CELF4: variants seen among roughly 807,000 people sequenced by gnomAD.
CELF4 encodes the protein CUGBP Elav-like family member 4, also known as CUG-BP- and ETR-3-like factor 4.
A neutral mutation model predicts 59.9 loss-of-function variants in CELF4; 18 were observed. The observed-to-expected ratio is 0.30, with a 90% confidence interval of 0.21 to 0.45. The LOEUF (loss-of-function observed/expected upper bound fraction) is 0.45. CELF4 is among the 20% of genes least tolerant of loss of function. The pLI is 1.00. For synonymous variants in CELF4, 261 were observed against 267.1 expected (o/e 0.98, Z 0.22); for missense variants, 456 against 689.0 (o/e 0.66, Z 3.79).
intron 1 of CELF4, among the ~76,000 whole-genome samples, chr18:37,487,643 G>C (rs1419196149): frequency 6.6e-6 from 1 of 152,144 alleles, no homozygotes; most frequent in African/African-American, 2.4e-5. Flanking sequence ...CCGTCCCCTT[G>C]TTGGCCTTGT....
chr18:37,287,826 TTAGATGA>T (rs1323032736), intron 3 of CELF4, among the ~76,000 whole-genome samples: 5 of 152,288 alleles, frequency 3.3e-5, no homozygotes, highest in African/African-American at 1.2e-4. Flanking sequence ...AGATTAAATG[TTAGATGA>T]TAGATAGATA....
intron 2 of CELF4, among the ~76,000 whole-genome samples, chr18:37,362,082 T>C (rs1215938073): frequency 6.6e-6 from 1 of 151,772 alleles, no homozygotes; most frequent in Non-Finnish European, 1.5e-5. Flanking sequence ...CTTGGTGAAA[T>C]GAGCAAAGGG....
intron 1 of CELF4, among the ~76,000 whole-genome samples, chr18:37,492,262 A>G (rs1450654424): frequency 6.6e-6 from 1 of 152,122 alleles, no homozygotes; most frequent in Non-Finnish European, 1.5e-5. Context: ...GGGCTCCCTG[A>G]AGGCCCCTCT....
intron 2 of CELF4, among the ~76,000 whole-genome samples, chr18:37,415,698 T>A (rs2099521864): frequency 6.6e-6 from 1 of 152,240 alleles, no homozygotes; most frequent in Non-Finnish European, 1.5e-5. Flanking sequence ...CTGCTGTATA[T>A]GGAGCCTGAC....
chr18:37,452,162 C>T (rs371979751), intron 2 of CELF4, among the ~76,000 whole-genome samples: 12 of 152,330 alleles, frequency 7.9e-5, no homozygotes, highest in East Asian at 7.7e-4. Flanking sequence ...GCTGAATGCA[C>T]GCCACCCTGA....
intron 3 of CELF4, among the ~76,000 whole-genome samples, chr18:37,286,673 G>C (rs951417343): frequency 6.6e-6 from 1 of 152,160 alleles, no homozygotes; most frequent in Admixed American, 6.5e-5. Context: ...GAGGTGCAAG[G>C]CCTCAGCATC....
At chr18:37,287,561 C>G (rs1438866052) in intron 3 of CELF4, among the ~76,000 whole-genome samples, 1 of 152,206 alleles carries the variant, frequency 6.6e-6, no homozygotes, top group Non-Finnish European at 1.5e-5. Flanking sequence ...CCCTGTGCCC[C>G]TTCCCCCTCC....
chr18:37,403,566 TGGGTGTGTGTGCTGGCAG>T (rs2099353479), intron 2 of CELF4, among the ~76,000 whole-genome samples: 1 of 151,770 alleles, frequency 6.6e-6, no homozygotes, highest in Non-Finnish European at 1.5e-5. Context: ...GAGGGGGTGG[TGGGTGTGTGTGCTGGCAG>T]GGGCCCGGGT....
chr18:37,518,090 C>A (rs2154604545), intron 1 of CELF4, among the ~76,000 whole-genome samples: 1 of 152,230 alleles, frequency 6.6e-6, no homozygotes, highest in Middle Eastern at 3.4e-3. Flanking sequence ...AGCAAGGCTC[C>A]CTCTTTCCTC....
At chr18:37,546,071 G>A (rs1248342326) in intron 1 of CELF4, among the ~76,000 whole-genome samples, 2 of 152,096 alleles carry the variant, frequency 1.3e-5, no homozygotes, top group African/African-American at 2.4e-5. Context: ...AGACACCCAC[G>A]CTCACACACA....
intron 1 of CELF4, among the ~76,000 whole-genome samples, chr18:37,538,653 A>G (rs2099975492): frequency 6.6e-6 from 1 of 151,980 alleles, no homozygotes; most frequent in Non-Finnish European, 1.5e-5. Flanking sequence ...TTTCATTCCA[A>G]TTGTCGCTTG....
intron 1 of CELF4, among the ~76,000 whole-genome samples, chr18:37,525,055 T>C (rs1289112964): frequency 6.6e-6 from 1 of 152,150 alleles, no homozygotes; most frequent in Non-Finnish European, 1.5e-5. Context: ...TAGGGGCCTC[T>C]TGCTTGGCCA....
intron 2 of CELF4, among the ~76,000 whole-genome samples, chr18:37,398,785 C>G (rs901129872): frequency 6.6e-5 from 10 of 152,160 alleles, no homozygotes; most frequent in African/African-American, 2.4e-4. Flanking sequence ...CACTCGAGAT[C>G]GCACCATGGA....
intron 2 of CELF4, among the ~76,000 whole-genome samples, chr18:37,332,875 G>C (rs2097593204): frequency 6.6e-6 from 1 of 152,220 alleles, no homozygotes; most frequent in African/African-American, 2.4e-5. Context: ...AGGGCAGAGG[G>C]CTCTTTGTCT....
chr18:37,503,824 T>G (rs1202807382), intron 1 of CELF4, among the ~76,000 whole-genome samples: 1 of 152,102 alleles, frequency 6.6e-6, no homozygotes, highest in East Asian at 1.9e-4. Flanking sequence ...TGTCAGGCAG[T>G]CTCCTTCAAG....
chr18:37,439,402 T>G (rs879893893), intron 2 of CELF4, among the ~76,000 whole-genome samples: 2 of 152,130 alleles, frequency 1.3e-5, no homozygotes, highest in Admixed American at 6.5e-5. Context: ...TGTGTGTGCA[T>G]GTATGCATGC....
At chr18:37,322,452 C>A (rs2097156788) in intron 2 of CELF4, among the ~76,000 whole-genome samples, 1 of 152,246 alleles carries the variant, frequency 6.6e-6, no homozygotes, top group African/African-American at 2.4e-5. Context: ...CTCCATATTG[C>A]AGCCAGGGCT....
At chr18:37,430,514 A>G (rs1481239723) in intron 2 of CELF4, among the ~76,000 whole-genome samples, 1 of 152,176 alleles carries the variant, frequency 6.6e-6, no homozygotes, top group Non-Finnish European at 1.5e-5. Flanking sequence ...GTAGCGCAGT[A>G]ACAGGCTAGA....
chr18:37,478,728 C>T (rs2099857680), intron 2 of CELF4, among the ~76,000 whole-genome samples: 2 of 152,182 alleles, frequency 1.3e-5, no homozygotes, highest in South Asian at 2.1e-4. Context: ...AGGCAAGTTT[C>T]GAAGGCATCA....
Sources: allele counts gnomAD v4.1 joint callset (sites outside exome capture counted in the v4.1 genomes callset), GRCh38; gene constraint gnomAD v4.1.1; transcripts MANE v1.5; gene names NCBI Gene and HGNC (gene_info 2026-07-23, HGNC 2026-07-21).